ZNF540: variants seen among roughly 807,000 people sequenced by gnomAD.
ZNF540 encodes the protein zinc finger protein 540.
In ZNF540, 3 loss-of-function variants were observed where a neutral mutation model predicts 11.8. The observed-to-expected ratio is 0.25, with a 90% CI of 0.12 to 0.65. The LOEUF (loss-of-function observed/expected upper bound fraction) is 0.65, where lower values mean the gene tolerates loss of function less well. Ranked by LOEUF, ZNF540 falls within the 30% of genes least tolerant of loss-of-function variation. The pLI, the probability that ZNF540 is intolerant of heterozygous loss-of-function variation, is 0.83. For missense variants in ZNF540, 709 were observed against 793.1 expected (o/e 0.89, Z 1.27); for synonymous variants, 247 against 259.0 (o/e 0.95, Z 0.45).
chr19:37,585,148 C>A (rs549436258), intron 1 of ZNF540: 1 of 152,084 alleles, frequency 6.6e-6, no homozygotes, highest in Non-Finnish European at 1.5e-5. Context: ...TGGTACATTC[C>A]GGGAAATCCC....
Position 37,612,195 on chromosome 19 carries a change from A to G in ZNF540, c.915A>G (p.Gly305=). 6.2e-7 allele frequency: 1 copy of G among 1,612,236 alleles called. No homozygotes were observed. The highest frequency in any genetic ancestry group is 1.1e-5 in the South Asian group (1 of 90,798). ...AATCTTATGAATGTAAAGAATGTGG[A>G]AAAGTTTTTCAACTTATTTTCTACT... ...GKKSYECKEC[G]KVFQLIFYFK... Residue 305 remains glycine, a synonymous_variant, in exon 5 of 5, where the codon GGA becomes GGG. Coordinates refer to ENST00000316433, the MANE Select transcript of ZNF540 (RefSeq NM_001172225.3).
At chr19:37,608,141 C>T (rs1254914953) in intron 4 of ZNF540, among the ~76,000 whole-genome samples, 1 of 152,172 alleles carries the variant, frequency 6.6e-6, no homozygotes, top group Non-Finnish European at 1.5e-5. Flanking sequence ...TCCTTTCTCT[C>T]ATTTTCCTCC....
chr19:37,583,207 A>G (rs1250498298), intron 1 of ZNF540, among the ~76,000 whole-genome samples: 1 of 152,328 alleles, frequency 6.6e-6, no homozygotes, highest in East Asian at 1.9e-4. Context: ...CTGAGCTATC[A>G]TTCCTGGTCC....
At chr19:37,558,541 C>T (rs1445317530) in intron 1 of ZNF540, among the ~76,000 whole-genome samples, 3 of 152,018 alleles carry the variant, frequency 2.0e-5, no homozygotes, top group Admixed American at 1.3e-4. Flanking sequence ...TTAATACCTG[C>T]GAGGAGATAC....
intron 1 of ZNF540, among the ~76,000 whole-genome samples, chr19:37,568,690 TGAG>T (rs1469592588): frequency 6.6e-6 from 1 of 152,126 alleles, no homozygotes; most frequent in Non-Finnish European, 1.5e-5. Context: ...GTGCCCAGAA[TGAG>T]GAGTACATAT....
upstream of ZNF540, among the ~76,000 whole-genome samples, chr19:37,590,172 C>T (rs1307235276): frequency 6.6e-6 from 1 of 151,842 alleles, no homozygotes; most frequent in Non-Finnish European, 1.5e-5. Context: ...TTCAGGAGGC[C>T]AAGGCGGGTG....
rs749761184 is a variant in ZNF540 at position 37,612,786 on chromosome 19, G to GT, written c.1506_1507insT (p.Thr503TyrfsTer3). ...CCTACAAATGTGTACGATGTGGGAAGACCTTTAGATTTGGTTTCTACCTTA... is the reference window on the plus strand; with the variant it reads ...CCTACAAATGTGTACGATGTGGGAAGTACCTTTAGATTTGGTTTCTACCTTA... On this transcript the variant is annotated frameshift_variant, in exon 5 of 5. Transcript: ENST00000316433. LOFTEE classifies it low-confidence loss of function (END_TRUNC). The GT allele has an allele frequency of 1.9e-6, 3 of 1,614,026 alleles. No homozygotes were observed. The highest frequency in any genetic ancestry group is 2.5e-6 in the Non-Finnish European group (3 of 1,180,016).
upstream of ZNF540, among the ~76,000 whole-genome samples, chr19:37,592,793 T>A (rs1441137353): frequency 6.6e-6 from 1 of 152,192 alleles, no homozygotes; most frequent in African/African-American, 2.4e-5. Context: ...AAACAAATTA[T>A]AAGACAGTAC....
chr19:37,611,840 A>G lies in ZNF540; in HGVS notation c.560A>G (p.His187Arg), dbSNP rs1261344913. ...QHGKIDSDVKHDCKECGSTFN... is the reference protein window; with the variant it reads ...QHGKIDSDVKRDCKECGSTFN... ...GGGAAAATAGATTCTGATGTGAAACATGATTGTAAAGAATGTGGGAGTACT... is the reference window on the plus strand; with the variant it reads ...GGGAAAATAGATTCTGATGTGAAACGTGATTGTAAAGAATGTGGGAGTACT... Residue 187 changes from histidine (H) to arginine (R), a missense_variant, in exon 5 of 5, where the codon CAT (histidine) becomes CGT (arginine). Transcript: ENST00000316433. 6 of 1,614,026 alleles carry G rather than the reference A, an allele frequency of 3.7e-6. No individual in the cohort carries two copies. In the Admixed American group the frequency reaches 6.7e-5, roughly 18 times the overall value.
At chr19:37,567,691 G>A (rs2042909432) in intron 1 of ZNF540, 1 of 152,158 alleles carries the variant, frequency 6.6e-6, no homozygotes, top group Non-Finnish European at 1.5e-5. Context: ...AAATGTCCTA[G>A]CTTAAATGTC....
At chr19:37,553,630 G>A (rs1315214754) in intron 1 of ZNF540, among the ~76,000 whole-genome samples, 6 of 150,910 alleles carry the variant, frequency 4.0e-5, no homozygotes, top group East Asian at 1.9e-4. Context: ...TAAATATTAC[G>A]GCACTTTTTA....
intron 3 of ZNF540, among the ~76,000 whole-genome samples, chr19:37,600,095 C>T (rs2044027326): frequency 6.6e-6 from 1 of 152,194 alleles, no homozygotes; most frequent in South Asian, 2.1e-4. Context: ...TATGGATGCT[C>T]TGTTATTTGG....
At chr19:37,566,196 T>C in intron 1 of ZNF540, 1 of 1,614,016 alleles carries the variant, frequency 6.2e-7, no homozygotes. Context: ...AGGTGATGGT[T>C]GATACGTTTC....
At chr19:37,556,755 A>G (rs902731565) in intron 1 of ZNF540, among the ~76,000 whole-genome samples, 4 of 152,180 alleles carry the variant, frequency 2.6e-5, no homozygotes, top group African/African-American at 4.8e-5. Context: ...CCTCCCATAC[A>G]TGATTTCAAA....
At chr19:37,587,051 C>T (rs1355681454) in intron 1 of ZNF540, 1 of 211,910 alleles carries the variant, frequency 4.7e-6, no homozygotes, top group Non-Finnish European at 9.3e-6. Flanking sequence ...GTACTTTGCT[C>T]CCAATCTTAG....
intron 1 of ZNF540, among the ~76,000 whole-genome samples, chr19:37,579,380 C>A (rs1172607868): frequency 6.6e-6 from 1 of 152,182 alleles, no homozygotes; most frequent in East Asian, 1.9e-4. Context: ...CCAACCCAAC[C>A]AGCTGACACC....
intron 1 of ZNF540, chr19:37,565,292 G>A (rs1600454833): frequency 1.2e-6 from 2 of 1,610,870 alleles, no homozygotes; most frequent in Non-Finnish European, 1.7e-6. Context: ...CAGGTGGTAA[G>A]TAAGTTGTGA....
At chr19:37,562,146 G>T (rs571072788) in intron 1 of ZNF540, among the ~76,000 whole-genome samples, 1 of 152,304 alleles carries the variant, frequency 6.6e-6, no homozygotes, top group South Asian at 2.1e-4. Context: ...ACTTCAGGAG[G>T]CTGAGGCAGA....
At chr19:37,599,924 T>C (rs963756331) in intron 3 of ZNF540, among the ~76,000 whole-genome samples, 172 bp downstream of exon 3, 1 of 152,206 alleles carries the variant, frequency 6.6e-6, no homozygotes, top group Non-Finnish European at 1.5e-5. Flanking sequence ...ATGCTTTCAT[T>C]TTCACCATAC....
Sources: allele counts gnomAD v4.1 joint callset (sites outside exome capture counted in the v4.1 genomes callset), GRCh38; gene constraint gnomAD v4.1.1; transcripts MANE v1.5; gene names NCBI Gene and HGNC (gene_info 2026-07-23, HGNC 2026-07-21).